Variants in RORA observed in about 807,000 individuals in gnomAD.
The protein encoded by RORA is RAR related orphan receptor A.
In RORA, 7 loss-of-function variants were observed where a neutral mutation model predicts 69.5. The ratio of observed to expected loss-of-function variants is 0.10; its 90% CI spans 0.06 to 0.19. RORA has a LOEUF of 0.19. RORA is among the 10% of genes least tolerant of loss of function. The pLI, the probability that RORA is intolerant of heterozygous loss-of-function variation, is 1.00. For missense variants in RORA, 457 were observed against 663.0 expected (o/e 0.69, Z 3.41); for synonymous variants, 261 against 240.8 (o/e 1.08, Z -0.78).
chr15:60,823,148 T>G (rs1455203814), intron 1 of RORA, among the ~76,000 whole-genome samples: 10 of 149,168 alleles, frequency 6.7e-5, no homozygotes, highest in African/African-American at 2.2e-4. Flanking sequence ...TTTTCTCCCT[T>G]CCTTTCTTTC....
chr15:60,612,449 G>A (rs1567123483), intron 2 of RORA, among the ~76,000 whole-genome samples: 1 of 152,170 alleles, frequency 6.6e-6, no homozygotes, highest in African/African-American at 2.4e-5. Flanking sequence ...CCCAGTTGAA[G>A]CCTGAGGTTA....
intron 1 of RORA, among the ~76,000 whole-genome samples, chr15:60,725,813 TA>T (rs1457638074): frequency 1.3e-5 from 2 of 152,212 alleles, no homozygotes; most frequent in East Asian, 3.9e-4. Context: ...GTCCCTCAAA[TA>T]AATCTAATTA....
intron 1 of RORA, among the ~76,000 whole-genome samples, chr15:61,206,251 G>A (rs533316959): frequency 6.6e-6 from 1 of 152,316 alleles, no homozygotes; most frequent in Admixed American, 6.5e-5. Flanking sequence ...GCAGAAGGAA[G>A]GGAGGGAGAG....
chr15:60,530,003 G>C (rs1386052625), intron 3 of RORA: 1 of 152,232 alleles, frequency 6.6e-6, no homozygotes, highest in Non-Finnish European at 1.5e-5. Flanking sequence ...CATTTAAGAA[G>C]ACACCCAGGT....
At chr15:60,708,813 G>A (rs116213789) in intron 1 of RORA, among the ~76,000 whole-genome samples, 1 of 152,334 alleles carries the variant, frequency 6.6e-6, no homozygotes, top group African/African-American at 2.4e-5. Context: ...GTAGAATGCT[G>A]AAAAGGAAGT....
At chr15:60,797,419 T>G (rs2072514049) in intron 1 of RORA, among the ~76,000 whole-genome samples, 1 of 152,146 alleles carries the variant, frequency 6.6e-6, no homozygotes, top group Admixed American at 6.5e-5. Context: ...TCCAAGGGCC[T>G]GGGTTGTACA....
chr15:60,647,121 T>C (rs2070060268), intron 2 of RORA, among the ~76,000 whole-genome samples: 2 of 152,322 alleles, frequency 1.3e-5, no homozygotes, highest in Admixed American at 1.3e-4. Flanking sequence ...TCGAGTACAT[T>C]CTGTGGCCCT....
At chr15:60,917,485 G>A (rs994989686) in intron 1 of RORA, among the ~76,000 whole-genome samples, 4 of 152,076 alleles carry the variant, frequency 2.6e-5, no homozygotes, top group South Asian at 2.1e-4. Flanking sequence ...AAAGTTCTAC[G>A]AGCCTAGCCT....
chr15:60,756,583 T>C (rs1183124672), intron 1 of RORA, among the ~76,000 whole-genome samples: 2 of 152,244 alleles, frequency 1.3e-5, no homozygotes, highest in Non-Finnish European at 2.9e-5. Flanking sequence ...AAGTTTGGTG[T>C]TGCTTATATC....
At chr15:60,607,749 A>T (rs895544933) in intron 2 of RORA, among the ~76,000 whole-genome samples, 6 of 152,192 alleles carry the variant, frequency 3.9e-5, no homozygotes, top group African/African-American at 1.4e-4. Context: ...TTTATACATC[A>T]TTCTGTGAAG....
At chr15:60,791,940 A>G (rs1454713193) in intron 1 of RORA, among the ~76,000 whole-genome samples, 1 of 152,200 alleles carries the variant, frequency 6.6e-6, no homozygotes, top group Non-Finnish European at 1.5e-5. Context: ...TGTAACACAT[A>G]AGAAAAAAAA....
intron 2 of RORA, among the ~76,000 whole-genome samples, chr15:60,666,218 A>G (rs977636952): frequency 7.4e-5 from 11 of 148,764 alleles, no homozygotes; most frequent in African/African-American, 2.5e-5. Flanking sequence ...TCTAGTCTAG[A>G]GTGCAGTGGT....
intron 3 of RORA, among the ~76,000 whole-genome samples, chr15:60,527,760 G>A (rs911225720): frequency 6.6e-6 from 1 of 152,176 alleles, no homozygotes; most frequent in Non-Finnish European, 1.5e-5. Flanking sequence ...AAAAATTTGA[G>A]GATGGTGTGC....
intron 1 of RORA, among the ~76,000 whole-genome samples, chr15:60,978,880 A>G (rs1285878519): frequency 6.6e-6 from 1 of 150,924 alleles, no homozygotes; most frequent in Non-Finnish European, 1.5e-5. Context: ...GTCTATCCTT[A>G]TATCAGCACT....
At chr15:61,176,038 A>G (rs2079626566) in intron 1 of RORA, 1 of 152,228 alleles carries the variant, frequency 6.6e-6, no homozygotes, top group African/African-American at 2.4e-5. Context: ...ATTCATCTCT[A>G]TATCTACAAA....
At chr15:60,713,242 G>T (rs1335305269) in intron 1 of RORA, among the ~76,000 whole-genome samples, 1 of 152,140 alleles carries the variant, frequency 6.6e-6, no homozygotes, top group South Asian at 2.1e-4. Context: ...TAACCTGGGC[G>T]CTGGCAAGTC....
At chr15:60,758,738 T>C (rs79348448) in intron 1 of RORA, among the ~76,000 whole-genome samples, 2,328 of 152,334 alleles carry the variant, frequency 0.015, 55 homozygotes, top group African/African-American at 0.053. Context: ...TACTTTCTGA[T>C]TGGCATAGAA....
At chr15:60,566,356 T>C (rs1426156674) in intron 2 of RORA, among the ~76,000 whole-genome samples, 1 of 152,218 alleles carries the variant, frequency 6.6e-6, no homozygotes, top group Non-Finnish European at 1.5e-5. Flanking sequence ...TTGCCGTTAA[T>C]AACATTTTAA....
In RORA at chr15:60,911,034, C is replaced by G. The variant is rs147893833; in HGVS notation, c.167-232348G>C. On this transcript the variant is annotated intron_variant, in intron 1 of 10. Coordinates refer to ENST00000335670, the MANE Select transcript of RORA (RefSeq NM_134261.3). Reference sequence around the variant, plus strand: ...TCTCCTGCTTTAGCTTCCTGAGTAGCTGGGATTACAGGCGCCCACCACCAT... The same window carrying G: ...TCTCCTGCTTTAGCTTCCTGAGTAGGTGGGATTACAGGCGCCCACCACCAT... Among the ~76,000 whole-genome samples, 965 of 140,090 alleles carry G rather than the reference C, an allele frequency of 6.9e-3. 16 individuals carry two copies. Among genetic ancestry groups the G allele is most frequent in the African/African-American group, 0.025 (915 of 36,710 alleles). 91.9% of individuals were successfully genotyped at this position (140,090 alleles called of 152,430 possible).
Sources: gnomAD v4.1 joint callset for allele counts (sites outside exome capture counted in the v4.1 genomes callset) on GRCh38, gnomAD v4.1.1 for gene constraint, MANE v1.5 for transcripts, NCBI Gene and HGNC (gene_info 2026-07-23, HGNC 2026-07-21) for gene names.